DOCK6: variants seen among roughly 807,000 people sequenced by gnomAD.
DOCK6 encodes the protein dedicator of cytokinesis protein 6.
Under a neutral mutation model 230.3 loss-of-function variants are expected in DOCK6, and 167 were observed. The ratio of observed to expected loss-of-function variants is 0.73; its 90% CI spans 0.64 to 0.82. The LOEUF is 0.82. DOCK6 is among the 40% of genes least tolerant of loss of function. DOCK6 has a pLI of 0.00. For missense variants in DOCK6, 2,598 were observed against 2,825.8 expected (o/e 0.92, Z 1.83); for synonymous variants, 1,148 against 1,185.0 (o/e 0.97, Z 0.64).
chr19:11,216,702 C>T lies in DOCK6; in HGVS notation c.3894+212G>A, dbSNP rs2079493639. On this transcript the variant is annotated intron_variant, in intron 30 of 47. Coordinates refer to ENST00000294618, the MANE Select transcript of DOCK6 (RefSeq NM_020812.4). ...GGGATTACAGGTGTGAGCCACTGCA[C>T]CCGGCCTCCACCTTCCAAATTCTAT... 1.0e-5 allele frequency: 6 copies of T among 579,638 alleles called. No individual in the cohort carries two copies. In the South Asian group the frequency reaches 1.2e-4, roughly 12 times the overall value. 35.9% of individuals were successfully genotyped at this position (579,638 alleles called of 1,614,324 possible).
In DOCK6 at chr19:11,227,369, C is replaced by T; in HGVS notation, c.2923G>A (p.Val975Met). 2 of 1,613,910 alleles carry T rather than the reference C, an allele frequency of 1.2e-6. No individual in the cohort carries two copies. Among genetic ancestry groups the T allele is most frequent in the Non-Finnish European group, 1.7e-6 (2 of 1,179,902 alleles). Residue 975 changes from valine to methionine, a missense_variant, in exon 24 of 48, where the codon GTG (valine) becomes ATG (methionine). Physicochemically the swap from Val to Met is conservative, Grantham distance 21 (BLOSUM62 1). Coordinates refer to ENST00000294618, the MANE Select transcript of DOCK6 (RefSeq NM_020812.4). ...LDDITALVGS[V>M]GLEVITRVHK... ...ACACGGGTGATGACCTCCAGGCCCACAGAGCCCACCAAGGCAGTGATGTCG... is the reference window on the plus strand; with the variant it reads ...ACACGGGTGATGACCTCCAGGCCCATAGAGCCCACCAAGGCAGTGATGTCG...
At chr19:11,250,443 T>C (rs540474257) in intron 6 of DOCK6, among the ~76,000 whole-genome samples, 104 of 151,918 alleles carry the variant, frequency 6.8e-4, no homozygotes, top group Non-Finnish European at 1.2e-3. Context: ...GCCTCCTGAG[T>C]AGCTAGGATT....
At position 11,202,626 on chromosome 19, in the gene DOCK6, C is replaced by T. The variant is rs1310428299; in HGVS notation, c.5319G>A (p.Glu1773=). ...DLDEQEFVYK[E]PSITKLAEIS... ...TCTCTGCCAGCTTCGTGATCGATGGCTCCTTGTACACAAACTCCTGCTCAT... is the reference window on the plus strand; with the variant it reads ...TCTCTGCCAGCTTCGTGATCGATGGTTCCTTGTACACAAACTCCTGCTCAT... The change falls in exon 42 of 48, where the codon GAG becomes GAA. Residue 1773 remains glutamate, a synonymous_variant. Transcript: ENST00000294618. The surrounding 1 kb of genome is among the most constrained non-coding windows in gnomAD (Gnocchi z 5.3). The T allele has an allele frequency of 6.2e-7, 1 of 1,614,006 alleles. No individual in the cohort carries two copies. Among genetic ancestry groups the T allele is most frequent in the Non-Finnish European group, 8.5e-7 (1 of 1,179,898 alleles).
intron 1 of DOCK6, among the ~76,000 whole-genome samples, chr19:11,254,300 C>A (rs1023865081): frequency 2.0e-5 from 3 of 152,220 alleles, no homozygotes; most frequent in Non-Finnish European, 2.9e-5. Context: ...TCAACCTGGC[C>A]TGCGGGGCCC....
rs2080142733 is a variant in DOCK6, at chr19:11,252,972, A to C, written c.133-14T>G. The stretch of plus-strand genomic sequence containing the variant: ...AGTCAGTGGGACCTGGATTGGAGCA[A>C]AGTGGCTGTGATCGCACTACCTAGG... On this transcript the variant is annotated splice_polypyrimidine_tract_variant and intron_variant, in intron 2 of 47. Transcript: ENST00000294618. 2 of 1,594,876 alleles carry C rather than the reference A, an allele frequency of 1.3e-6. No individual in the cohort carries two copies. The highest frequency in any genetic ancestry group is 2.3e-5 in the East Asian group (1 of 43,986).
In DOCK6 at chr19:11,223,050, A is replaced by C. The variant is rs767572748; in HGVS notation, c.3012T>G (p.Leu1004=). The C allele has an allele frequency of 1.9e-6, 3 of 1,613,676 alleles. No homozygotes were observed. Among genetic ancestry groups the C allele is most frequent in the Non-Finnish European group, 1.7e-6 (2 of 1,179,870 alleles). Residue 1004 remains leucine, a synonymous_variant, in exon 25 of 48, where the codon CTT becomes CTG. Transcript: ENST00000294618. ...CAAAGCCCCGGTCCACCAGGGACAG[A>C]AGGTCACTGAGGAAGAAAGCCAGGC... ...NASLAFFLSD[L]LSLVDRGFVF... is the part of the protein sequence containing the mutation.
intron 1 of DOCK6, among the ~76,000 whole-genome samples, chr19:11,255,785 AT>A (rs960529212): frequency 6.6e-6 from 1 of 151,352 alleles, no homozygotes; most frequent in Admixed American, 6.6e-5. Flanking sequence ...GTAATTGTAA[AT>A]TTTTTTCTTT....
At chr19:11,203,604 G>A (rs990940278) in intron 41 of DOCK6, 4 of 165,948 alleles carry the variant, frequency 2.4e-5, no homozygotes, top group Non-Finnish European at 5.2e-5. Context: ...AGCGGGATTC[G>A]GGGGGGCTGG....
chr19:11,205,560 GT>G (rs1403061274), intron 39 of DOCK6, among the ~76,000 whole-genome samples: 3 of 152,042 alleles, frequency 2.0e-5, no homozygotes, highest in Non-Finnish European at 2.9e-5. Context: ...GGCCAGGCTG[GT>G]CTCGAACTCC....
intron 1 of DOCK6, among the ~76,000 whole-genome samples, chr19:11,255,193 C>A (rs1294042684): frequency 6.6e-6 from 1 of 152,078 alleles, no homozygotes; most frequent in Non-Finnish European, 1.5e-5. Context: ...TTAGCAGAGA[C>A]GGGGTTTCAC....
intron 28 of DOCK6, among the ~76,000 whole-genome samples, chr19:11,219,173 G>GTTT (rs1568231463): frequency 1.6e-5 from 2 of 125,190 alleles, no homozygotes; most frequent in South Asian, 2.5e-4. Flanking sequence ...CACTGCGCCC[G>GTTT]GTTTTTTTTT....
intron 39 of DOCK6, among the ~76,000 whole-genome samples, chr19:11,205,345 T>A (rs2079240704): frequency 6.6e-6 from 1 of 152,070 alleles, no homozygotes; most frequent in African/African-American, 2.4e-5. Context: ...TCTAATGCTA[T>A]CCCTCCCCTT....
chr19:11,231,326 C>T (rs1451622318), intron 22 of DOCK6, among the ~76,000 whole-genome samples: 1 of 151,144 alleles, frequency 6.6e-6, no homozygotes, highest in Non-Finnish European at 1.5e-5. Context: ...CTATCTTACC[C>T]TTCGGGTCCC....
chr19:11,238,514 C>A, intron 14 of DOCK6: 1 of 571,710 alleles, frequency 1.7e-6, no homozygotes. Context: ...AAGCGAGCAC[C>A]CTAAAAACAC....
chr19:11,209,127 G>T, intron 37 of DOCK6, 24 bp from the exon 38 acceptor site: 2 of 1,602,296 alleles, frequency 1.2e-6, no homozygotes, highest in Non-Finnish European at 1.7e-6. Context: ...GAGGGGGGAT[G>T]TGAGGAGGGG....
At chr19:11,238,163 C>T (rs537556961) in intron 15 of DOCK6, 24 bp downstream of exon 15, 8 of 1,613,710 alleles carry the variant, frequency 5.0e-6, no homozygotes, top group Non-Finnish European at 6.8e-6. Flanking sequence ...CCCTACCCCC[C>T]TTCCCTGGGG....
chr19:11,243,459 C>G lies in DOCK6; in HGVS notation c.1259-74G>C, dbSNP rs961941483. The G allele has an allele frequency of 1.4e-5, 22 of 1,556,308 alleles. No individual in the cohort carries two copies. Among genetic ancestry groups the G allele is most frequent in the Non-Finnish European group, 1.9e-5 (22 of 1,152,716 alleles). Reference sequence around the variant, plus strand: ...GAGACTCAGGGGCGGCACAGTTCGGCCAGCAGAGGGCGCACCCCCTCGCCC... The same window carrying G: ...GAGACTCAGGGGCGGCACAGTTCGGGCAGCAGAGGGCGCACCCCCTCGCCC... On this transcript the variant is annotated intron_variant, in intron 11 of 47. Coordinates refer to ENST00000294618, the MANE Select transcript of DOCK6 (RefSeq NM_020812.4). The surrounding 1 kb of genome is among the most constrained non-coding windows in gnomAD (Gnocchi z 6.3).
chr19:11,209,967 C>T, intron 37 of DOCK6, among the ~76,000 whole-genome samples: 1 of 144,846 alleles, frequency 6.9e-6, no homozygotes, highest in Non-Finnish European at 1.5e-5. Flanking sequence ...ACCTGCCCGC[C>T]CTCACCTGTC....
intron 39 of DOCK6, among the ~76,000 whole-genome samples, chr19:11,207,442 T>C (rs2079281010): frequency 2.0e-5 from 3 of 151,650 alleles, no homozygotes; most frequent in African/African-American, 7.3e-5. Flanking sequence ...GTGATCCTCC[T>C]GCTTCAGCCT....
Sources: allele counts gnomAD v4.1 joint callset (sites outside exome capture counted in the v4.1 genomes callset), GRCh38; gene constraint gnomAD v4.1.1; non-coding constraint Gnocchi (gnomAD v3.1); transcripts MANE v1.5; gene names NCBI Gene and HGNC (gene_info 2026-07-23, HGNC 2026-07-21).